The following LRMDA variants were observed in gnomAD, a reference collection of about 807,000 sequenced individuals.
LRMDA encodes leucine-rich melanocyte differentiation-associated protein.
In LRMDA, 18 loss-of-function variants were observed where a neutral mutation model predicts 29.8. The observed-to-expected ratio is 0.60, with a 90% CI of 0.42 to 0.90. LRMDA has a LOEUF of 0.90. Ranked by LOEUF, LRMDA falls within the 40% of genes least tolerant of loss-of-function variation. The pLI, the probability that LRMDA is intolerant of heterozygous loss-of-function variation, is 0.00. For missense variants in LRMDA, 273 were observed against 273.9 expected (o/e 1.00, Z 0.02); for synonymous variants, 125 against 109.4 (o/e 1.14, Z -0.89).
intron 2 of LRMDA, among the ~76,000 whole-genome samples, chr10:75,975,621 C>T (rs1847056440): frequency 6.6e-6 from 1 of 152,170 alleles, no homozygotes; most frequent in South Asian, 2.1e-4. Context: ...GCTCTCCTTT[C>T]TTTGGGCCTT....
intron 5 of LRMDA, among the ~76,000 whole-genome samples, chr10:76,083,567 G>A (rs1000073114): frequency 1.3e-5 from 2 of 152,108 alleles, no homozygotes; most frequent in Non-Finnish European, 2.9e-5. Context: ...AGTGGCTCAC[G>A]CCTCTAATTC....
chr10:75,664,097 C>T (rs1841790741), intron 2 of LRMDA, among the ~76,000 whole-genome samples: 1 of 152,152 alleles, frequency 6.6e-6, no homozygotes, highest in Non-Finnish European at 1.5e-5. Flanking sequence ...ATTGGTCCAG[C>T]CTCCACTCTA....
chr10:75,862,815 C>T (rs1006719869), intron 2 of LRMDA, among the ~76,000 whole-genome samples: 23 of 152,086 alleles, frequency 1.5e-4, no homozygotes, highest in African/African-American at 4.3e-4. Context: ...TTTTTCTGTT[C>T]GCTTCACTTC....
intron 2 of LRMDA, among the ~76,000 whole-genome samples, chr10:75,767,832 G>T (rs188394496): frequency 6.6e-6 from 1 of 152,336 alleles, no homozygotes; most frequent in Admixed American, 6.5e-5. Context: ...GGGCTGGAAA[G>T]ATTCTCTTGG....
At chr10:76,245,191 T>C (rs1361975449) in intron 5 of LRMDA, among the ~76,000 whole-genome samples, 2 of 152,186 alleles carry the variant, frequency 1.3e-5, no homozygotes, top group East Asian at 1.9e-4. Context: ...TGTTCTCTTA[T>C]ATATATCATC....
At chr10:75,919,071 G>T (rs1315564864) in intron 2 of LRMDA, among the ~76,000 whole-genome samples, 2 of 152,204 alleles carry the variant, frequency 1.3e-5, no homozygotes, top group Non-Finnish European at 2.9e-5. Flanking sequence ...GTAGGAAGTA[G>T]GTGCCGTTAT....
chr10:76,378,291 C>T (rs941335225), intron 6 of LRMDA, among the ~76,000 whole-genome samples: 5 of 151,978 alleles, frequency 3.3e-5, no homozygotes, highest in East Asian at 1.9e-4. Flanking sequence ...TTGGAGGAGT[C>T]GTTAAAGTTT....
chr10:75,573,325 T>C (rs1015515297), intron 2 of LRMDA, among the ~76,000 whole-genome samples: 4 of 152,240 alleles, frequency 2.6e-5, no homozygotes, highest in Admixed American at 6.5e-5. Context: ...TGTATTTATT[T>C]ATTTTTCCCC....
intron 2 of LRMDA, among the ~76,000 whole-genome samples, chr10:75,614,923 T>TG (rs1841080049): frequency 6.6e-6 from 1 of 152,194 alleles, no homozygotes; most frequent in Non-Finnish European, 1.5e-5. Context: ...GGCTTCTCCC[T>TG]GGGGAGATGG....
intron 6 of LRMDA, among the ~76,000 whole-genome samples, chr10:76,531,272 C>T (rs964755021): frequency 6.6e-6 from 1 of 152,146 alleles, no homozygotes; most frequent in African/African-American, 2.4e-5. Flanking sequence ...TCATGCCACA[C>T]AGTCCCTATG....
chr10:76,470,416 A>T (rs898573946), intron 6 of LRMDA: 2 of 152,152 alleles, frequency 1.3e-5, no homozygotes, highest in Non-Finnish European at 2.9e-5. Flanking sequence ...CAAAGAACTG[A>T]AAACAAGAAC....
At chr10:76,361,031 C>A (rs1841304519) in intron 6 of LRMDA, among the ~76,000 whole-genome samples, 2 of 152,200 alleles carry the variant, frequency 1.3e-5, no homozygotes, top group South Asian at 2.1e-4. Flanking sequence ...GAGGCTGAGG[C>A]AGGTGGATCG....
At chr10:76,239,583 G>A (rs1001252732) in intron 5 of LRMDA, among the ~76,000 whole-genome samples, 3 of 151,056 alleles carry the variant, frequency 2.0e-5, no homozygotes, top group African/African-American at 7.3e-5. Flanking sequence ...TATGCTCTCT[G>A]TTTCTCTCTC....
At chr10:75,752,721 G>T (rs972578725) in intron 2 of LRMDA, among the ~76,000 whole-genome samples, 1 of 152,136 alleles carries the variant, frequency 6.6e-6, no homozygotes, top group African/African-American at 2.4e-5. Flanking sequence ...TCTTAGGTAT[G>T]TTCTCAGTTT....
chr10:75,501,355 G>T (rs370641770), intron 2 of LRMDA, among the ~76,000 whole-genome samples: 21 of 152,224 alleles, frequency 1.4e-4, no homozygotes, highest in African/African-American at 5.1e-4. Flanking sequence ...GTTCCCAGTT[G>T]CTCCCACACT....
chr10:75,556,032 T>G (rs986799659), intron 2 of LRMDA, among the ~76,000 whole-genome samples: 1 of 152,102 alleles, frequency 6.6e-6, no homozygotes, highest in Non-Finnish European at 1.5e-5. Flanking sequence ...TGAACAGGGA[T>G]GCAGGGATCA....
At chr10:76,144,205 G>T (rs938867482) in intron 5 of LRMDA, among the ~76,000 whole-genome samples, 14 of 152,166 alleles carry the variant, frequency 9.2e-5, no homozygotes, top group South Asian at 2.1e-4. Flanking sequence ...GAACTTTAAA[G>T]TAGTTTTTTC....
At chr10:76,420,945 A>C (rs1012819725) in intron 6 of LRMDA, among the ~76,000 whole-genome samples, 1 of 152,080 alleles carries the variant, frequency 6.6e-6, no homozygotes, top group Non-Finnish European at 1.5e-5. Flanking sequence ...AATATGTTTA[A>C]TTTGGGTGAA....
At chr10:75,891,645 G>A (rs1042704292) in intron 2 of LRMDA, among the ~76,000 whole-genome samples, 1 of 152,164 alleles carries the variant, frequency 6.6e-6, no homozygotes, top group African/African-American at 2.4e-5. Flanking sequence ...GACATAATTT[G>A]ACTTGATTTT....
Sources: allele counts gnomAD v4.1 joint callset (sites outside exome capture counted in the v4.1 genomes callset), GRCh38; gene constraint gnomAD v4.1.1; transcripts MANE v1.5; gene names NCBI Gene and HGNC (gene_info 2026-07-23, HGNC 2026-07-21).